Variants in KIF5B observed in about 807,000 individuals in gnomAD.
KIF5B encodes the protein kinesin family member 5B, also known as kinesin-1 heavy chain.
KIF5B carries 49 observed loss-of-function variants against 132.8 expected under a neutral mutation model. That is an observed-to-expected ratio of 0.37 (90% CI 0.29 to 0.47). The LOEUF (loss-of-function observed/expected upper bound fraction) is 0.47, where lower values mean the gene tolerates loss of function less well. Ranked by LOEUF, KIF5B falls within the 20% of genes least tolerant of loss-of-function variation. The pLI is 1.00. For missense variants in KIF5B, 780 were observed against 1,144.0 expected (o/e 0.68, Z 4.59); for synonymous variants, 355 against 369.4 (o/e 0.96, Z 0.45).
Position 32,034,008 on chromosome 10 carries a change from T to C in KIF5B, c.1142A>G (p.Asp381Gly), listed in dbSNP as rs755404986. 1.3e-6 allele frequency: 2 copies of C among 1,595,924 alleles called. No individual in the cohort carries two copies. Among genetic ancestry groups the C allele is most frequent in the South Asian group, 2.3e-5 (2 of 86,626 alleles). Residue 381 changes from aspartate to glycine, a missense_variant, in exon 12 of 26, where the codon GAC becomes GGC. Around this residue, in one of 9 missense-constraint regions of KIF5B, gnomAD observed 471 missense variants for 569.9 expected, o/e 0.83. Coordinates refer to ENST00000302418, the MANE Select transcript of KIF5B (RefSeq NM_004521.3). ...AGCTTCCAAGTTGGCTTTCTCTTTG[T>C]CAAACTGTTCATCAATAGGCACCGT... The part of the protein sequence containing the change: ...GETVPIDEQF[D>G]KEKANLEAFT...
intron 2 of KIF5B, among the ~76,000 whole-genome samples, chr10:32,047,085 C>G (rs1841620992): frequency 6.6e-6 from 1 of 152,158 alleles, no homozygotes; most frequent in South Asian, 2.1e-4. Flanking sequence ...TGTACAGGTA[C>G]TAGAAATATT....
At chr10:32,042,458 A>G (rs1841554917) in intron 2 of KIF5B, among the ~76,000 whole-genome samples, 1 of 152,146 alleles carries the variant, frequency 6.6e-6, no homozygotes, top group African/African-American at 2.4e-5. Flanking sequence ...GTCTCATCCT[A>G]TGTGTTCTTA....
At chr10:32,022,636 G>T (rs538855892) in intron 16 of KIF5B, among the ~76,000 whole-genome samples, 22 of 152,236 alleles carry the variant, frequency 1.4e-4, no homozygotes, top group Admixed American at 3.9e-4. Context: ...GTTACCACCA[G>T]TCACATCATT....
At chr10:32,036,076 T>A (rs1417830741) in intron 8 of KIF5B, 82 bp from the exon 9 acceptor site, 2 of 841,074 alleles carry the variant, frequency 2.4e-6, no homozygotes, top group African/African-American at 3.5e-5. Flanking sequence ...TCATATGTCA[T>A]CAATAACCAG....
At position 32,017,214 on chromosome 10, in the gene KIF5B, T is replaced by C. The variant is rs1296531625; in HGVS notation, c.2690A>G (p.Gln897Arg). 1.9e-6 allele frequency: 3 copies of C among 1,614,124 alleles called. No individual in the cohort carries two copies. In the African/African-American group the frequency reaches 4.0e-5, roughly 22 times the overall value. Residue 897 changes from glutamine to arginine, a missense_variant, in exon 24 of 26, where the codon CAA becomes CGA. Gln to Arg is a conservative substitution (Grantham distance 43). Transcript: ENST00000302418. The part of the protein sequence containing the change: ...NASRDRKRYQ[Q>R]EVDRIKEAVR... ...TGCTTCCTTTATGCGATCTACTTCT[T>C]GCTGATAGCGTTTGCGATCACGAGA...
intron 5 of KIF5B, 72 bp from the exon 6 acceptor site, chr10:32,038,290 G>C (rs1488368682): frequency 2.0e-6 from 2 of 1,014,704 alleles, no homozygotes; most frequent in African/African-American, 3.2e-5. Context: ...TAACTGATAG[G>C]CTTTCCTGAG....
Position 32,038,150 on chromosome 10 carries a change from G to A in KIF5B, c.498+13C>T, listed in dbSNP as rs1311314806. ...GTATTACAGGGTTTTCTAGACAACT[G>A]TACTATAAATACCTTTACATAGGGA... On this transcript the variant is annotated intron_variant, in intron 6 of 25. Coordinates refer to ENST00000302418, the MANE Select transcript of KIF5B (RefSeq NM_004521.3). The A allele has an allele frequency of 6.7e-7, 1 of 1,498,566 alleles. No individual in the cohort carries two copies. The highest frequency in any genetic ancestry group is 9.2e-7 in the Non-Finnish European group (1 of 1,083,754). 92.8% of individuals were successfully genotyped at this position (1,498,566 alleles called of 1,614,324 possible). A position where few individuals can be genotyped will look rare whatever the true frequency, so the allele number is the denominator to read the frequency against.
chr10:32,037,010 T>C (rs1044981235), intron 8 of KIF5B, among the ~76,000 whole-genome samples: 3 of 152,224 alleles, frequency 2.0e-5, no homozygotes, highest in Admixed American at 1.3e-4. Flanking sequence ...GTTCTCACTA[T>C]GAACATATCT....
At chr10:32,015,920 GA>G (rs1292453942) in intron 24 of KIF5B, among the ~76,000 whole-genome samples, 2 of 152,070 alleles carry the variant, frequency 1.3e-5, no homozygotes, top group African/African-American at 4.8e-5. Flanking sequence ...GAGGTGGGTG[GA>G]TCATTTGGGT....
rs1841488571 is a variant in KIF5B, at chr10:32,038,357, G to C, written c.443-139C>G. Reference sequence around the variant, plus strand: ...CATATTAAAACATTGCTCTAAAGCAGACCTTACAGACACAGCAGGAGATGT... The same window carrying C: ...CATATTAAAACATTGCTCTAAAGCACACCTTACAGACACAGCAGGAGATGT... On this transcript the variant is annotated intron_variant, in intron 5 of 25. Coordinates refer to ENST00000302418, the MANE Select transcript of KIF5B (RefSeq NM_004521.3). The C allele has an allele frequency of 6.3e-6, 4 of 636,146 alleles. No homozygotes were observed. In the South Asian group the frequency reaches 8.3e-5, roughly 13 times the overall value. 39.4% of individuals were successfully genotyped at this position (636,146 alleles called of 1,614,324 possible). A position where few individuals can be genotyped will look rare whatever the true frequency, so the allele number is the denominator to read the frequency against.
intron 23 of KIF5B, 36 bp from the exon 24 acceptor site, chr10:32,017,395 T>A: frequency 1.3e-6 from 2 of 1,500,624 alleles, no homozygotes; most frequent in Non-Finnish European, 1.8e-6. Flanking sequence ...ATTCCAGATT[T>A]AACAGGATGA....
chr10:32,050,906 C>A (rs1287600940), intron 1 of KIF5B, among the ~76,000 whole-genome samples: 1 of 152,144 alleles, frequency 6.6e-6, no homozygotes, highest in Non-Finnish European at 1.5e-5. Flanking sequence ...AATCGCCACC[C>A]AAAAACAAAC....
chr10:32,040,668 A>C (rs1159728063), intron 2 of KIF5B, among the ~76,000 whole-genome samples: 1 of 124,668 alleles, frequency 8.0e-6, no homozygotes, highest in Non-Finnish European at 1.9e-5. Flanking sequence ...CCCTCTTCCT[A>C]ACCCTTGCAT....
chr10:32,015,269 T>G (rs913553163), intron 25 of KIF5B, among the ~76,000 whole-genome samples: 4 of 152,192 alleles, frequency 2.6e-5, no homozygotes, highest in Non-Finnish European at 5.9e-5. Context: ...GTACATCCAT[T>G]AGACACAGTA....
In KIF5B at chr10:32,028,466, C is replaced by T. The variant is rs377645626; in HGVS notation, c.1687G>A (p.Ala563Thr). ...EMMASLLKDLAEIGIAVGNND... is the reference protein window; with the variant it reads ...EMMASLLKDLTEIGIAVGNND... ...TTTCCCACAGCAATTCCTATTTCTG[C>T]AAGGTCTTTTAGTAAAGATGCCATC... The change falls in exon 15 of 26, where the codon GCA becomes ACA. Residue 563 changes from alanine to threonine, a missense_variant. By Grantham distance (58) the Ala-to-Thr change is moderately conservative (BLOSUM62 0). Coordinates refer to ENST00000302418, the MANE Select transcript of KIF5B (RefSeq NM_004521.3). The T allele has an allele frequency of 3.8e-5, 61 of 1,612,776 alleles. No individual in the cohort carries two copies. Among genetic ancestry groups the T allele is most frequent in the Non-Finnish European group, 4.9e-5 (58 of 1,179,112 alleles).
chr10:32,030,492 G>A (rs1841388621), intron 14 of KIF5B, among the ~76,000 whole-genome samples: 1 of 149,248 alleles, frequency 6.7e-6, no homozygotes, highest in Admixed American at 6.7e-5. Context: ...TCCAGCCTGG[G>A]CAACCAGAGT....
rs118067345 is a variant in KIF5B, at chr10:32,053,419, G to A, written c.126+2429C>T. Among the ~76,000 whole-genome samples the A allele has an allele frequency of 8.3e-3, 1,123 of 135,614 alleles. 12 individuals carry two copies. Among genetic ancestry groups the A allele is most frequent in the Middle Eastern group, 0.038 (10 of 260 alleles). The allele number at this position is 135,614 out of a possible 152,430, so 89.0% of individuals were successfully genotyped here. On this transcript the variant is annotated intron_variant, in intron 1 of 25. Transcript: ENST00000302418. ...AGTTGTAATGTATTTTTGGTTACAC[G>A]TTAAAAAAAAAAAAAAAAAACCAGG...
chr10:32,038,654 A>G (rs1264095489), intron 5 of KIF5B, 124 bp downstream of exon 5: 2 of 634,214 alleles, frequency 3.2e-6, no homozygotes, highest in African/African-American at 3.7e-5. Context: ...AAGAAAAAAA[A>G]TTTTGTCTAT....
At position 32,010,567 on chromosome 10, in the gene KIF5B, G is replaced by C. The variant is rs915279989; in HGVS notation, c.*970C>G. ...TCAATTTCCACACGCTATAAATTTA[G>C]GTCGGCCAATAAAGTACTAACCGTA... On this transcript the variant is annotated 3_prime_UTR_variant, in exon 26 of 26. Coordinates refer to ENST00000302418, the MANE Select transcript of KIF5B (RefSeq NM_004521.3). 7 of 151,976 alleles carry C rather than the reference G, an allele frequency of 4.6e-5. No homozygotes were observed. Among genetic ancestry groups the C allele is most frequent in the African/African-American group, 1.2e-4 (5 of 41,358 alleles). The allele number at this position is 151,976 out of a possible 1,614,324, so 9.4% of individuals were successfully genotyped here. A position where few individuals can be genotyped will look rare whatever the true frequency, so the allele number is the denominator to read the frequency against.
Sources: gnomAD v4.1 joint callset for allele counts (sites outside exome capture counted in the v4.1 genomes callset) on GRCh38, gnomAD v4.1.1 for gene constraint, gnomAD v4.1.1 regional missense constraint, MANE v1.5 for transcripts, NCBI Gene and HGNC (gene_info 2026-07-23, HGNC 2026-07-21) for gene names.